Variants in SLC30A10 observed in about 807,000 individuals in gnomAD.
SLC30A10 encodes the protein solute carrier family 30 member 10, also known as calcium/manganese antiporter SLC30A10.
Under a neutral mutation model 21.7 loss-of-function variants are expected in SLC30A10, and 8 were observed. The observed-to-expected ratio is 0.37, with a 90% CI of 0.22 to 0.67. SLC30A10 has a LOEUF of 0.67. Among genes scored for constraint, SLC30A10 ranks in the 30% least tolerant of loss-of-function variants. The pLI, the probability that SLC30A10 is intolerant of heterozygous loss-of-function variation, is 0.58. For synonymous variants in SLC30A10, 272 were observed against 279.4 expected (o/e 0.97, Z 0.26); for missense variants, 521 against 642.5 (o/e 0.81, Z 2.04).
chr1:219,928,255 C>T lies in SLC30A10; in HGVS notation c.186G>A (p.Arg62=). ...CVGLSAGYIA[R]RPTRGFSATY... ...TGGCGCTGAAGCCCCGGGTGGGGCG[C>T]CGGGCGATGTAGCCGGCGCTCAGGC... The change falls in exon 1 of 4, where the codon CGG becomes CGA. Residue 62 remains arginine (R), a synonymous_variant. Coordinates refer to ENST00000366926, the MANE Select transcript of SLC30A10 (RefSeq NM_018713.3). The surrounding 1 kb of genome is among the most constrained non-coding windows in gnomAD (Gnocchi z 6.3). 6.3e-7 allele frequency: 1 copy of T among 1,583,724 alleles called. No homozygotes were observed. The highest frequency in any genetic ancestry group is 8.6e-7 in the Non-Finnish European group (1 of 1,166,068).
rs373626854 is a variant in SLC30A10, at chr1:219,918,214, T to G, written c.958+41A>C. 184 of 1,601,790 alleles carry G rather than the reference T, an allele frequency of 1.1e-4. No homozygotes were observed. In the African/African-American group the frequency reaches 2.3e-3, roughly 20 times the overall value. ...GCTTGTCCTTTGGCCTGAATAACAT[T>G]AAATTGAGAGTGGTTCTGGATCAAA... On this transcript the variant is annotated intron_variant, in intron 3 of 3. Transcript: ENST00000366926. The surrounding 1 kb of genome is among the most constrained non-coding windows in gnomAD (Gnocchi z 4.4).
At chr1:219,938,534 T>A (rs1211383357) in intron 1 of SLC30A10, among the ~76,000 whole-genome samples, 1 of 152,158 alleles carries the variant, frequency 6.6e-6, no homozygotes, top group Non-Finnish European at 1.5e-5. Context: ...TGGGGCAGGT[T>A]TTGCCCTGTG....
chr1:219,921,127 T>C (rs897582804), intron 2 of SLC30A10, among the ~76,000 whole-genome samples: 1 of 152,214 alleles, frequency 6.6e-6, no homozygotes, highest in Non-Finnish European at 1.5e-5. Flanking sequence ...ATACAAAATG[T>C]TGTAACCCTG....
chr1:219,927,051 T>C lies in SLC30A10; in HGVS notation c.695A>G (p.Lys232Arg). The change falls in exon 2 of 4, where the codon AAG (lysine) becomes AGG (arginine). Residue 232 changes from lysine (K) to arginine (R), a missense_variant. Physicochemically the swap from Lys to Arg is conservative, Grantham distance 26. Coordinates refer to ENST00000366926, the MANE Select transcript of SLC30A10 (RefSeq NM_018713.3). ...EPEDMMKKEKKSEALNIRGVL... is the reference protein window; with the variant it reads ...EPEDMMKKEKRSEALNIRGVL... The stretch of plus-strand genomic sequence containing the variant: ...ACCTCTGATATTCAGAGCTTCAGAC[T>C]TTTTCTCTTTTTTCATCATGTCTTC... The C allele has an allele frequency of 1.2e-6, 2 of 1,613,862 alleles. No homozygotes were observed. The highest frequency in any genetic ancestry group is 1.7e-6 in the Non-Finnish European group (2 of 1,179,854).
chr1:219,956,920 T>A (rs555153984), intron 1 of SLC30A10, among the ~76,000 whole-genome samples: 1 of 152,302 alleles, frequency 6.6e-6, no homozygotes, highest in East Asian at 1.9e-4. Context: ...AAATGTTGTA[T>A]GTCAAGAATG....
intron 1 of SLC30A10, among the ~76,000 whole-genome samples, chr1:219,945,599 A>T (rs1660176458): frequency 6.6e-6 from 1 of 152,228 alleles, no homozygotes; most frequent in African/African-American, 2.4e-5. Context: ...TGGAGGACAG[A>T]ATAAGATCAA....
upstream of SLC30A10, among the ~76,000 whole-genome samples, chr1:219,930,887 A>C (rs1254904837): frequency 6.6e-6 from 1 of 152,198 alleles, no homozygotes; most frequent in Non-Finnish European, 1.5e-5. Flanking sequence ...CACTCAATAA[A>C]TGTTCTATTA....
In SLC30A10 at chr1:219,918,883, T is replaced by A. The variant is rs7519079; in HGVS notation, c.719-389A>T. On this transcript the variant is annotated intron_variant, in intron 2 of 3. Transcript: ENST00000366926. The surrounding 1 kb of genome is among the most constrained non-coding windows in gnomAD (Gnocchi z 4.4). ...TCTGTGCTTTACGTTGTTTTAAACA[T>A]GTTTAAGGGGAGAGAGAACAAGTTG... The A allele has an allele frequency of 0.029, 4,931 of 169,518 alleles. 239 individuals are homozygous for A. The highest frequency in any genetic ancestry group is 0.11 in the African/African-American group (4,538 of 42,220). 10.5% of individuals were successfully genotyped at this position (169,518 alleles called of 1,614,324 possible). A position where few individuals can be genotyped will look rare whatever the true frequency, so the allele number is the denominator to read the frequency against.
Position 219,914,935 on chromosome 1 carries a change from A to G in SLC30A10, c.*514T>C, listed in dbSNP as rs1659497667. On this transcript the variant is annotated 3_prime_UTR_variant, in exon 4 of 4. Transcript: ENST00000366926. ...GTTATTCATTTTATATTTATTCAAA[A>G]ATGAATCAAAGAAAAAAGATATTTC... is the stretch of plus-strand genomic sequence containing the variant. 1 of 153,850 alleles carries G rather than the reference A, an allele frequency of 6.5e-6. No individual in the cohort carries two copies. Among genetic ancestry groups the G allele is most frequent in the Non-Finnish European group, 1.4e-5 (1 of 69,202 alleles). The allele number at this position is 153,850 out of a possible 1,614,324, so 9.5% of individuals were successfully genotyped here.
At position 219,925,306 on chromosome 1, in the gene SLC30A10, G is replaced by A. The variant is rs557164136; in HGVS notation, c.718+1722C>T. 1.1e-4 allele frequency among the ~76,000 whole-genome samples: 17 copies of A among 152,176 alleles called. No individual in the cohort carries two copies. In the South Asian group the frequency reaches 3.1e-3, roughly 28 times the overall value. The stretch of plus-strand genomic sequence containing the variant: ...TCCAGCACTTTGGGCAGCCGAGGCG[G>A]GCAGATTGCCTGAGGTCAGGAGTTC... On this transcript the variant is annotated intron_variant, in intron 2 of 3. Transcript: ENST00000366926.
chr1:219,927,345 C>T (rs765237899), intron 1 of SLC30A10, among the ~76,000 whole-genome samples: 2 of 151,998 alleles, frequency 1.3e-5, no homozygotes, highest in Non-Finnish European at 2.9e-5. Flanking sequence ...TGGGAGCCCA[C>T]CTGCAGCCCC....
chr1:219,952,711 A>ACTATACTCTATACTCTATACT (rs1281156544), intron 1 of SLC30A10, among the ~76,000 whole-genome samples: 1 of 152,188 alleles, frequency 6.6e-6, no homozygotes, highest in Non-Finnish European at 1.5e-5. Context: ...TCTGACAAAG[A>ACTATACTCTATACTCTATACT]CTGACAATGC....
At chr1:219,953,238 C>G (rs1334675676) in intron 1 of SLC30A10, among the ~76,000 whole-genome samples, 1 of 152,180 alleles carries the variant, frequency 6.6e-6, no homozygotes, top group Admixed American at 6.5e-5. Flanking sequence ...TACCATTCTG[C>G]CTCCGATCTA....
rs1659401231 is a variant in SLC30A10 at position 219,911,149 on chromosome 1, G to GTTTTTTTTTGTTTTTT, written c.*4299_*4300insAAAAAACAAAAAAAAA. ...ATGTTTCTTCATTTTTTCTACATCAGTTTTTTTTTTTTTTTTTTTTTTTTT... is the reference window on the plus strand; with the variant it reads ...ATGTTTCTTCATTTTTTCTACATCAGTTTTTTTTTGTTTTTTTTTTTTTTTTTTTTTTTTTTTTTTT... On this transcript the variant is annotated 3_prime_UTR_variant, in exon 4 of 4. Coordinates refer to ENST00000366926, the MANE Select transcript of SLC30A10 (RefSeq NM_018713.3). Among the ~76,000 whole-genome samples the GTTTTTTTTTGTTTTTT allele has an allele frequency of 2.0e-5, 1 of 49,398 alleles. No individual in the cohort carries two copies. The highest frequency in any genetic ancestry group is 5.8e-5 in the African/African-American group (1 of 17,156). 32.4% of individuals were successfully genotyped at this position (49,398 alleles called of 152,430 possible).
At chr1:219,934,877 AC>A (rs1277906446) in intron 1 of SLC30A10, among the ~76,000 whole-genome samples, 2 of 152,184 alleles carry the variant, frequency 1.3e-5, no homozygotes, top group Non-Finnish European at 2.9e-5. Flanking sequence ...CACAAGGACA[AC>A]CCCAGAGACG....
chr1:219,912,111 G>C lies in SLC30A10; in HGVS notation c.*3338C>G, dbSNP rs3011. On this transcript the variant is annotated 3_prime_UTR_variant, in exon 4 of 4. Coordinates refer to ENST00000366926, the MANE Select transcript of SLC30A10 (RefSeq NM_018713.3). ...GATTTCCTTGACATTCAAAACACCT[G>C]TCTCTACTGAACTTTAGAGTTCTTG... 0.46 allele frequency among the ~76,000 whole-genome samples: 65,526 copies of C among 141,984 alleles called. 14,780 individuals carry two copies. Among genetic ancestry groups the C allele is most frequent in the African/African-American group, 0.53 (20,462 of 38,296 alleles). The allele number at this position is 141,984 out of a possible 152,430, so 93.1% of individuals were successfully genotyped here.
In SLC30A10 at chr1:219,914,111, T is replaced by C. The variant is rs1659476339; in HGVS notation, c.*1338A>G. On this transcript the variant is annotated 3_prime_UTR_variant, in exon 4 of 4. Transcript: ENST00000366926. The stretch of plus-strand genomic sequence containing the variant: ...AGGACTTTACACACTAAGAGATGGT[T>C]ATTTTCAGACAATCTTGCAGTCTAC... The C allele has an allele frequency of 6.6e-6, 1 of 152,170 alleles. No homozygotes were observed. The highest frequency in any genetic ancestry group is 2.4e-5 in the African/African-American group (1 of 41,432). The allele number at this position is 152,170 out of a possible 1,614,324, so 9.4% of individuals were successfully genotyped here.
intron 1 of SLC30A10, among the ~76,000 whole-genome samples, chr1:219,949,623 A>G (rs2102546259): frequency 6.6e-6 from 1 of 152,206 alleles, no homozygotes; most frequent in South Asian, 2.1e-4. Context: ...GCGGGAAGGG[A>G]TAGCTTTAGG....
Position 219,911,480 on chromosome 1 carries a change from G to A in SLC30A10, c.*3969C>T, listed in dbSNP as rs183330338. ...AACTATCCAGTCTCATTGGATAGTG[G>A]GCTCATCAAATTGAGGATATTCAGG... On this transcript the variant is annotated 3_prime_UTR_variant, in exon 4 of 4. Coordinates refer to ENST00000366926, the MANE Select transcript of SLC30A10 (RefSeq NM_018713.3). Among the ~76,000 whole-genome samples the A allele has an allele frequency of 3.6e-4, 55 of 152,040 alleles. No homozygotes were observed. Among genetic ancestry groups the A allele is most frequent in the Non-Finnish European group, 6.3e-4 (43 of 67,978 alleles).
Sources: allele counts gnomAD v4.1 joint callset (sites outside exome capture counted in the v4.1 genomes callset), GRCh38; gene constraint gnomAD v4.1.1; non-coding constraint Gnocchi (gnomAD v3.1); transcripts MANE v1.5; gene names NCBI Gene and HGNC (gene_info 2026-07-23, HGNC 2026-07-21).